MALRD1: variants seen among roughly 807,000 people sequenced by gnomAD.
MALRD1 encodes MAM and LDL-receptor class A domain-containing protein 1.
A neutral mutation model predicts 242.1 loss-of-function variants in MALRD1; 247 were observed. The observed-to-expected ratio is 1.02, with a 90% CI of 0.92 to 1.13. MALRD1 has a LOEUF of 1.13. Among genes scored for constraint, MALRD1 ranks in the 50% most tolerant of loss-of-function variants. The pLI, the probability that MALRD1 is intolerant of heterozygous loss-of-function variation, is 0.00. For synonymous variants in MALRD1, 995 were observed against 866.6 expected (o/e 1.15, Z -2.60); for missense variants, 2,989 against 2,533.1 (o/e 1.18, Z -3.86).
At chr10:19,311,314 A>G (rs1842414213) in intron 21 of MALRD1, among the ~76,000 whole-genome samples, 1 of 151,428 alleles carries the variant, frequency 6.6e-6, no homozygotes. Context: ...AAAGACACAG[A>G]AAAATGTCTT....
chr10:19,267,935 T>G (rs1203800527), intron 19 of MALRD1, among the ~76,000 whole-genome samples: 1 of 152,110 alleles, frequency 6.6e-6, no homozygotes, highest in Non-Finnish European at 1.5e-5. Flanking sequence ...TTGACCAAAG[T>G]CTGCGATATG....
intron 14 of MALRD1, among the ~76,000 whole-genome samples, chr10:19,196,180 G>GA (rs968860538): frequency 7.9e-5 from 12 of 151,666 alleles, no homozygotes; most frequent in Non-Finnish European, 1.0e-4. Context: ...CTATAAGAAA[G>GA]AAAAAAAAGT....
At chr10:19,394,086 G>A (rs1487103089) in intron 28 of MALRD1, among the ~76,000 whole-genome samples, 1 of 152,180 alleles carries the variant, frequency 6.6e-6, no homozygotes, top group Non-Finnish European at 1.5e-5. Flanking sequence ...ATGCAGTCAT[G>A]ATAGAAAACA....
At chr10:19,606,168 G>T (rs1174907832) in intron 34 of MALRD1, among the ~76,000 whole-genome samples, 1 of 151,832 alleles carries the variant, frequency 6.6e-6, no homozygotes, top group African/African-American at 2.4e-5. Flanking sequence ...AATTATACTT[G>T]AAGAAAAAAA....
intron 11 of MALRD1, among the ~76,000 whole-genome samples, chr10:19,148,786 A>ATATATATATATATATATATAT (rs1220802758): frequency 2.9e-5 from 2 of 68,186 alleles, no homozygotes; most frequent in African/African-American, 4.4e-5. Flanking sequence ...AAAAAAAAAA[A>ATATATATATATATATATATAT]AAATATATAT....
intron 36 of MALRD1, among the ~76,000 whole-genome samples, chr10:19,638,133 A>T (rs1840228638): frequency 6.7e-6 from 1 of 150,270 alleles, no homozygotes. Context: ...AAAAAATAGA[A>T]TTCGGTACCC....
chr10:19,384,672 T>C (rs1414604217), intron 26 of MALRD1, among the ~76,000 whole-genome samples: 1 of 135,944 alleles, frequency 7.4e-6, no homozygotes, highest in Non-Finnish European at 1.5e-5. Context: ...TACTATATAT[T>C]ATATAATATA....
At chr10:19,729,737 T>G (rs1835204242) in intron 38 of MALRD1, among the ~76,000 whole-genome samples, 6 of 119,978 alleles carry the variant, frequency 5.0e-5, no homozygotes, top group Non-Finnish European at 1.0e-4. Context: ...TTTTTTTTTT[T>G]TTTTTTTTTT....
chr10:19,252,884 A>G (rs1357637900), intron 18 of MALRD1, among the ~76,000 whole-genome samples: 3 of 152,036 alleles, frequency 2.0e-5, no homozygotes, highest in African/African-American at 7.2e-5. Flanking sequence ...AGGGTTGTGT[A>G]AACAATTGCA....
intron 22 of MALRD1, among the ~76,000 whole-genome samples, chr10:19,324,812 T>G (rs572355420): frequency 1.3e-5 from 2 of 152,092 alleles, no homozygotes; most frequent in African/African-American, 4.8e-5. Flanking sequence ...AATTTTATTG[T>G]GTTAAGCCCT....
intron 12 of MALRD1, among the ~76,000 whole-genome samples, chr10:19,160,253 C>A (rs1834339730): frequency 6.6e-6 from 1 of 150,482 alleles, no homozygotes; most frequent in African/African-American, 2.5e-5. Context: ...TGTTTATATG[C>A]TGGATTACAT....
At chr10:19,125,326 T>TTCCTTCC (rs1588581228) in intron 7 of MALRD1, among the ~76,000 whole-genome samples, 1 of 60,414 alleles carries the variant, frequency 1.7e-5, no homozygotes, top group African/African-American at 7.4e-5. Context: ...TCCTTCCTTC[T>TTCCTTCC]TTCTTTCTTT....
At chr10:19,097,904 T>G (rs1342948533) in intron 4 of MALRD1, among the ~76,000 whole-genome samples, 1 of 152,146 alleles carries the variant, frequency 6.6e-6, no homozygotes, top group Non-Finnish European at 1.5e-5. Context: ...CCCCATGATC[T>G]TTTTTTATCC....
At chr10:19,384,593 A>AT (rs1167634294) in intron 26 of MALRD1, among the ~76,000 whole-genome samples, 1 of 127,088 alleles carries the variant, frequency 7.9e-6, no homozygotes, top group Non-Finnish European at 1.6e-5. Flanking sequence ...ACTATATATT[A>AT]TATAATATAT....
At chr10:19,561,394 A>G (rs1215188844) in intron 32 of MALRD1, among the ~76,000 whole-genome samples, 2 of 152,210 alleles carry the variant, frequency 1.3e-5, no homozygotes, top group African/African-American at 4.8e-5. Flanking sequence ...CTGCCCTCTG[A>G]TCTGCCAATT....
intron 33 of MALRD1, among the ~76,000 whole-genome samples, chr10:19,587,018 A>G (rs899084129): frequency 1.3e-5 from 2 of 152,192 alleles, no homozygotes; most frequent in African/African-American, 4.8e-5. Context: ...ACTTTCTTTG[A>G]CTAGGAAAGG....
intron 26 of MALRD1, among the ~76,000 whole-genome samples, chr10:19,354,122 G>T (rs1403643004): frequency 1.3e-5 from 2 of 152,098 alleles, no homozygotes; most frequent in Non-Finnish European, 2.9e-5. Flanking sequence ...TCTTGTTGGG[G>T]ATTTTAAGAC....
At chr10:19,278,479 A>ATCCATCCC (rs1840644417) in intron 19 of MALRD1, among the ~76,000 whole-genome samples, 2 of 151,856 alleles carry the variant, frequency 1.3e-5, no homozygotes, top group African/African-American at 4.8e-5. Flanking sequence ...CCATCCATCC[A>ATCCATCCC]TCCATCTATC....
intron 4 of MALRD1, among the ~76,000 whole-genome samples, chr10:19,098,286 A>T (rs753630290): frequency 1.1e-4 from 17 of 152,348 alleles, no homozygotes; most frequent in Non-Finnish European, 1.6e-4. Flanking sequence ...TGCCTTAAGT[A>T]TAAAAAGATA....
Sources: gnomAD v4.1 joint callset for allele counts (sites outside exome capture counted in the v4.1 genomes callset) on GRCh38, gnomAD v4.1.1 for gene constraint, MANE v1.5 for transcripts, NCBI Gene and HGNC (gene_info 2026-07-23, HGNC 2026-07-21) for gene names.